The following RTTN variants were observed in gnomAD, a reference collection of about 807,000 sequenced individuals.
The protein encoded by RTTN is rotatin.
A neutral mutation model predicts 269.2 loss-of-function variants in RTTN; 182 were observed. That is an observed-to-expected ratio of 0.68 (90% confidence interval 0.60 to 0.76). The LOEUF (loss-of-function observed/expected upper bound fraction) is 0.76. Among genes scored for constraint, RTTN ranks in the 30% least tolerant of loss-of-function variants. The probability of loss-of-function intolerance (pLI) is 0.00; values close to 1 mark genes in which losing one functional copy is unlikely to be tolerated. For synonymous variants in RTTN, 1,006 were observed against 963.5 expected (o/e 1.04, Z -0.82); for missense variants, 2,545 against 2,608.6 (o/e 0.98, Z 0.53).
Position 70,099,923 on chromosome 18 carries a change from C to A in RTTN, c.3904-7119G>T, listed in dbSNP as rs545055928. ...TGGTATTATTTCTGAGGGCTCTGTT[C>A]TGTTCCATTGGTCTATATCTCTGTT... On this transcript the variant is annotated intron_variant, in intron 28 of 48. Coordinates refer to ENST00000640769, the MANE Select transcript of RTTN (RefSeq NM_173630.4). Among the ~76,000 whole-genome samples the A allele has an allele frequency of 1.6e-4, 24 of 152,286 alleles. No homozygotes were observed. In the South Asian group the frequency reaches 1.7e-3, roughly 11 times the overall value.
intron 35 of RTTN, among the ~76,000 whole-genome samples, chr18:70,062,854 G>A (rs1015754744): frequency 8.6e-5 from 13 of 151,940 alleles, no homozygotes; most frequent in African/African-American, 2.9e-4. Context: ...AAAAGTTCTA[G>A]GATTATTGGT....
At chr18:70,069,500 A>T (rs142135187) in intron 34 of RTTN, among the ~76,000 whole-genome samples, 316 of 152,324 alleles carry the variant, frequency 2.1e-3, no homozygotes, top group African/African-American at 7.5e-3. Context: ...AAATTAAGAA[A>T]GTCCCTTTGA....
chr18:70,050,389 T>C (rs1024094179), intron 39 of RTTN, among the ~76,000 whole-genome samples: 9 of 152,164 alleles, frequency 5.9e-5, no homozygotes, highest in Non-Finnish European at 1.3e-4. Flanking sequence ...CTCAGGCCAG[T>C]TAGAATGGTG....
At chr18:70,066,509 C>G (rs983951154) in intron 34 of RTTN, among the ~76,000 whole-genome samples, 28 of 152,128 alleles carry the variant, frequency 1.8e-4, no homozygotes, top group Middle Eastern at 3.2e-3. Context: ...AGCAGACCGA[C>G]CTTCTAAGAC....
At chr18:70,150,132 C>T in intron 15 of RTTN, 45 bp from the exon 16 acceptor site, 1 of 1,217,766 alleles carries the variant, frequency 8.2e-7, no homozygotes, top group Non-Finnish European at 1.2e-6. Flanking sequence ...ATGAGATGTC[C>T]CGCTAGGTCA....
At chr18:70,099,335 G>A (rs978998214) in intron 28 of RTTN, among the ~76,000 whole-genome samples, 9 of 152,190 alleles carry the variant, frequency 5.9e-5, no homozygotes, top group South Asian at 2.1e-4. Flanking sequence ...GCATTTCTCC[G>A]ATGATGAGCA....
chr18:70,186,232 A>C (rs535984478), intron 10 of RTTN, among the ~76,000 whole-genome samples: 1 of 152,356 alleles, frequency 6.6e-6, no homozygotes, highest in Non-Finnish European at 1.5e-5. Flanking sequence ...ACACAATGTA[A>C]TACTACTCAG....
At chr18:70,078,728 T>C (rs2058489191) in intron 32 of RTTN, among the ~76,000 whole-genome samples, 1 of 152,048 alleles carries the variant, frequency 6.6e-6, no homozygotes, top group Non-Finnish European at 1.5e-5. Flanking sequence ...TTTTCAACTT[T>C]TAGAAGCAAC....
intron 32 of RTTN, among the ~76,000 whole-genome samples, chr18:70,084,848 G>C (rs1160421941): frequency 6.6e-6 from 1 of 152,086 alleles, no homozygotes; most frequent in Admixed American, 6.6e-5. Flanking sequence ...TAGTAGAAAA[G>C]GATTTCCATG....
intron 46 of RTTN, among the ~76,000 whole-genome samples, chr18:70,010,413 A>G (rs909174042): frequency 1.3e-5 from 2 of 152,242 alleles, no homozygotes; most frequent in Non-Finnish European, 2.9e-5. Context: ...CAATCAAATT[A>G]GAACTCAGGA....
intron 32 of RTTN, 29 bp downstream of exon 32, chr18:70,086,584 T>C: frequency 6.9e-7 from 1 of 1,451,088 alleles, no homozygotes; most frequent in Non-Finnish European, 9.5e-7. Context: ...AAACATCTAC[T>C]AGGTTGATAA....
In RTTN at chr18:70,140,194, G is replaced by A. The variant is rs754536815; in HGVS notation, c.2582-6C>T. 2.2e-5 allele frequency: 33 copies of A among 1,513,816 alleles called. No homozygotes were observed. Among genetic ancestry groups the A allele is most frequent in the Non-Finnish European group, 2.8e-5 (31 of 1,094,240 alleles). 93.8% of individuals were successfully genotyped at this position (1,513,816 alleles called of 1,614,324 possible). On this transcript the variant is annotated splice_region_variant and splice_polypyrimidine_tract_variant and intron_variant, in intron 19 of 48. Transcript: ENST00000640769. ...CACAGCATGCATTTTAATATCTGTA[G>A]ATAAAAAAAGTTACTAAAAGTTAAA...
chr18:70,133,524 T>A (rs2060048591), intron 23 of RTTN, among the ~76,000 whole-genome samples: 1 of 152,180 alleles, frequency 6.6e-6, no homozygotes, highest in African/African-American at 2.4e-5. Flanking sequence ...GTGTTGTATA[T>A]TCTTAGACAG....
intron 40 of RTTN, among the ~76,000 whole-genome samples, chr18:70,036,973 T>G (rs973934477): frequency 6.6e-6 from 1 of 152,084 alleles, no homozygotes; most frequent in Non-Finnish European, 1.5e-5. Flanking sequence ...CTTGCACACT[T>G]GGAGGAGGGA....
chr18:70,084,495 C>G (rs1426663192), intron 32 of RTTN, among the ~76,000 whole-genome samples: 2 of 152,010 alleles, frequency 1.3e-5, no homozygotes, highest in Admixed American at 1.3e-4. Context: ...ATCTTGTTTC[C>G]TTCTTGCAGA....
chr18:70,178,169 C>T (rs2061346412), intron 10 of RTTN, among the ~76,000 whole-genome samples: 1 of 152,118 alleles, frequency 6.6e-6, no homozygotes, highest in Admixed American at 6.6e-5. Context: ...GCAGAGGTTG[C>T]AGTGAGCCAA....
intron 35 of RTTN, among the ~76,000 whole-genome samples, chr18:70,064,267 G>C (rs1252704551): frequency 1.4e-5 from 2 of 142,492 alleles, no homozygotes; most frequent in Non-Finnish European, 3.0e-5. Flanking sequence ...GAACCCAGGA[G>C]GCAGAGGCTG....
intron 16 of RTTN, 67 bp downstream of exon 16, chr18:70,149,904 T>G: frequency 9.4e-7 from 1 of 1,061,800 alleles, no homozygotes; most frequent in Non-Finnish European, 1.5e-6. Flanking sequence ...GCTGTTTGCA[T>G]GCATTTAAAT....
intron 26 of RTTN, among the ~76,000 whole-genome samples, chr18:70,117,085 A>T (rs2059620408): frequency 6.6e-6 from 1 of 152,112 alleles, no homozygotes; most frequent in African/African-American, 2.4e-5. Flanking sequence ...ATGGAAAAAA[A>T]TTTCACAAGA....
Sources: gnomAD v4.1 joint callset for allele counts (sites outside exome capture counted in the v4.1 genomes callset) on GRCh38, gnomAD v4.1.1 for gene constraint, MANE v1.5 for transcripts, NCBI Gene and HGNC (gene_info 2026-07-23, HGNC 2026-07-21) for gene names.